FER1L5: variants seen among roughly 807,000 people sequenced by gnomAD.
The protein encoded by FER1L5 is fer-1 like family member 5.
Under a neutral mutation model 279.9 loss-of-function variants are expected in FER1L5, and 187 were observed. The ratio of observed to expected loss-of-function variants is 0.67; its 90% CI spans 0.59 to 0.75. The LOEUF is 0.75. Among genes scored for constraint, FER1L5 ranks in the 30% least tolerant of loss-of-function variants. The pLI, the probability that FER1L5 is intolerant of heterozygous loss-of-function variation, is 0.00. For missense variants in FER1L5, 2,091 were observed against 2,594.4 expected (o/e 0.81, Z 4.21); for synonymous variants, 921 against 989.7 (o/e 0.93, Z 1.30).
chr2:96,703,665 T>G, intron 51 of FER1L5, 33 bp downstream of exon 51: 1 of 1,602,702 alleles, frequency 6.2e-7, no homozygotes, highest in Non-Finnish European at 8.5e-7. Flanking sequence ...CACCAGATCT[T>G]TCTTGCTCCT....
chr2:96,703,809 CTTTTTTTTT>C (rs35497973), intron 51 of FER1L5, among the ~76,000 whole-genome samples, 177 bp downstream of exon 51: 3 of 89,472 alleles, frequency 3.4e-5, no homozygotes, highest in Non-Finnish European at 4.4e-5. Flanking sequence ...CAAAAGTTGC[CTTTTTTTTT>C]TTTTTTTTTT....
intron 19 of FER1L5, 84 bp downstream of exon 19, chr2:96,673,338 A>G: frequency 7.4e-7 from 1 of 1,351,060 alleles, no homozygotes; most frequent in Non-Finnish European, 1.0e-6. Context: ...GTATTAGCTC[A>G]TGGAAGATTC....
intron 9 of FER1L5, among the ~76,000 whole-genome samples, chr2:96,659,885 T>C (rs2075893158): frequency 6.6e-6 from 1 of 152,110 alleles, no homozygotes; most frequent in Non-Finnish European, 1.5e-5. Context: ...GCCCCACATA[T>C]GTCACCTTCC....
intron 51 of FER1L5, 88 bp downstream of exon 51, chr2:96,703,720 G>A: frequency 8.9e-7 from 1 of 1,127,416 alleles, no homozygotes; most frequent in Non-Finnish European, 1.3e-6. Flanking sequence ...ATGGAGAGGT[G>A]GTAATTACCT....
At chr2:96,658,410 G>C (rs961198506) in intron 9 of FER1L5, among the ~76,000 whole-genome samples, 3 of 150,426 alleles carry the variant, frequency 2.0e-5, no homozygotes, top group African/African-American at 7.3e-5. Flanking sequence ...TCTGCCTCCC[G>C]GGTTCAAGTG....
In FER1L5 at chr2:96,694,322, C is replaced by G. The variant is rs905630603; in HGVS notation, c.3637-38C>G. 16 of 1,505,966 alleles carry G rather than the reference C, an allele frequency of 1.1e-5. No homozygotes were observed. The African/African-American group carries it at 2.2e-4, about 21-fold the overall frequency. The allele number at this position is 1,505,966 out of a possible 1,614,324, so 93.3% of individuals were successfully genotyped here. On this transcript the variant is annotated intron_variant, in intron 33 of 52. Coordinates refer to ENST00000624922, the MANE Select transcript of FER1L5 (RefSeq NM_001293083.2). This position sits in a 1 kb window ranked among gnomAD's most constrained non-coding sequence, Gnocchi z 4.6. ...TGAGGTGAGGGTGAGGGCAGCAGGA[C>G]CAGCCCAGAGGGCCTCATGCTCCCT...
chr2:96,685,234 G>A (rs1035274305), intron 20 of FER1L5, 95 bp from the exon 21 acceptor site: 2 of 1,089,032 alleles, frequency 1.8e-6, no homozygotes, highest in East Asian at 2.6e-5. Context: ...CCAAGGTCGT[G>A]GCTGAAAACA....
In FER1L5 at chr2:96,698,006, C is replaced by T; in HGVS notation, c.4237-31C>T. The T allele has an allele frequency of 6.5e-7, 1 of 1,545,642 alleles. No individual in the cohort carries two copies. The highest frequency in any genetic ancestry group is 1.2e-5 in the South Asian group (1 of 83,154). On this transcript the variant is annotated intron_variant, in intron 39 of 52. Transcript: ENST00000624922. This position sits in a 1 kb window ranked among gnomAD's most constrained non-coding sequence, Gnocchi z 5.5. Reference sequence around the variant, plus strand: ...CATCTCCTAATCACGGGAACAGTCTCCACCAGCCAGGGTTCCACACACCTC... The same window carrying T: ...CATCTCCTAATCACGGGAACAGTCTTCACCAGCCAGGGTTCCACACACCTC...
chr2:96,696,819 C>T (rs939112248), intron 37 of FER1L5, among the ~76,000 whole-genome samples: 2 of 152,150 alleles, frequency 1.3e-5, no homozygotes, highest in Non-Finnish European at 2.9e-5. Flanking sequence ...GCACAAGAAT[C>T]GCTTGAACCC....
chr2:96,693,650 C>G lies in FER1L5; in HGVS notation c.3437C>G (p.Pro1146Arg). ...ENPQDTKESP[P>R]LVVLELWQRD... ...CCACAGGACACCAAAGAGAGCCCAC[C>G]GCTTGTGGTGCTGGAGCTGTGGCAG... The change falls in exon 32 of 53, where the codon CCG becomes CGG. Residue 1146 changes from proline to arginine, a missense_variant. Transcript: ENST00000624922. 2 of 1,551,698 alleles carry G rather than the reference C, an allele frequency of 1.3e-6. No individual in the cohort carries two copies. Among genetic ancestry groups the G allele is most frequent in the South Asian group, 2.4e-5 (2 of 84,060 alleles).
chr2:96,668,693 C>A (rs371271857), intron 14 of FER1L5, 58 bp from the exon 15 acceptor site: 634 of 1,545,814 alleles, frequency 4.1e-4, no homozygotes, highest in Admixed American at 9.0e-4. Context: ...TTAAAATCTC[C>A]ACGAGGGCCA....
intron 18 of FER1L5, among the ~76,000 whole-genome samples, chr2:96,671,752 C>T (rs572333428): frequency 9.2e-5 from 14 of 152,244 alleles, no homozygotes; most frequent in Admixed American, 2.6e-4. Flanking sequence ...TTTGCAGAAG[C>T]GGTTGGACAG....
rs936225270 is a variant in FER1L5 at position 96,693,904 on chromosome 2, C to A, written c.3475-7C>A. 3.9e-6 allele frequency: 6 copies of A among 1,541,656 alleles called. No homozygotes were observed. Among genetic ancestry groups the A allele is most frequent in the Non-Finnish European group, 4.4e-6 (5 of 1,142,174 alleles). On this transcript the variant is annotated splice_polypyrimidine_tract_variant and splice_region_variant and intron_variant, in intron 32 of 52. Transcript: ENST00000624922. Reference sequence around the variant, plus strand: ...GCCTCCATGCTTTGTGAACTTCCCCCCTCCAGGGCAAGGAGAGCTTGTGGG... The same window carrying A: ...GCCTCCATGCTTTGTGAACTTCCCCACTCCAGGGCAAGGAGAGCTTGTGGG...
chr2:96,686,418 C>T (rs1489977419), intron 23 of FER1L5, 68 bp downstream of exon 23: 4 of 1,487,702 alleles, frequency 2.7e-6, no homozygotes, highest in African/African-American at 2.8e-5. Flanking sequence ...CCCCTGAACT[C>T]GCAGGGCAGC....
chr2:96,688,012 T>C, intron 24 of FER1L5, 65 bp downstream of exon 24: 1 of 1,536,610 alleles, frequency 6.5e-7, no homozygotes, highest in African/African-American at 1.4e-5. Context: ...GGTGGCCTCG[T>C]AGGGAAGAGA....
chr2:96,699,335 G>A (rs1388682407), intron 42 of FER1L5, among the ~76,000 whole-genome samples, 199 bp downstream of exon 42: 1 of 152,162 alleles, frequency 6.6e-6, no homozygotes, highest in African/African-American at 2.4e-5. Context: ...CACTCTGGCT[G>A]GGAGGGGAGC....
chr2:96,693,340 G>T (rs532894950), intron 31 of FER1L5, among the ~76,000 whole-genome samples, 166 bp from the exon 32 acceptor site: 1 of 152,148 alleles, frequency 6.6e-6, no homozygotes, highest in Non-Finnish European at 1.5e-5. Flanking sequence ...CTGGTGACAG[G>T]CCCCGGTGCT....
At chr2:96,686,419 G>T in intron 23 of FER1L5, 69 bp downstream of exon 23, 1 of 1,487,066 alleles carries the variant, frequency 6.7e-7, no homozygotes, top group Non-Finnish European at 9.0e-7. Context: ...CCCTGAACTC[G>T]CAGGGCAGCC....
intron 14 of FER1L5, among the ~76,000 whole-genome samples, chr2:96,666,659 ATT>A (rs1234077673): frequency 6.9e-6 from 1 of 145,782 alleles, no homozygotes; most frequent in Non-Finnish European, 1.5e-5. Context: ...TTATTTATTT[ATT>A]TTTTTTTTTT....
Sources: gnomAD v4.1 joint callset for allele counts (sites outside exome capture counted in the v4.1 genomes callset) on GRCh38, gnomAD v4.1.1 for gene constraint, Gnocchi (gnomAD v3.1) non-coding constraint, MANE v1.5 for transcripts, NCBI Gene and HGNC (gene_info 2026-07-23, HGNC 2026-07-21) for gene names.